Variants in PTPRM observed in about 807,000 individuals in gnomAD.
PTPRM encodes protein tyrosine phosphatase receptor type M, also known as receptor-type tyrosine-protein phosphatase mu.
A neutral mutation model predicts 186.7 loss-of-function variants in PTPRM; 47 were observed. The ratio of observed to expected loss-of-function variants is 0.25; its 90% CI spans 0.20 to 0.32. The LOEUF (loss-of-function observed/expected upper bound fraction) is 0.32, where lower values mean the gene tolerates loss of function less well. Among genes scored for constraint, PTPRM ranks in the 10% least tolerant of loss-of-function variants. The probability of loss-of-function intolerance (pLI) is 1.00; values close to 1 mark genes in which losing one functional copy is unlikely to be tolerated. For synonymous variants in PTPRM, 668 were observed against 674.9 expected (o/e 0.99, Z 0.16); for missense variants, 1,494 against 1,865.0 (o/e 0.80, Z 3.66).
intron 2 of PTPRM, among the ~76,000 whole-genome samples, chr18:7,863,694 T>C (rs1316246478): frequency 6.6e-6 from 1 of 152,234 alleles, no homozygotes; most frequent in Admixed American, 6.5e-5. Flanking sequence ...GAATGATTTA[T>C]AATCCTTTGA....
At position 8,137,498 on chromosome 18, in the gene PTPRM, A is replaced by G. The variant is rs369290170; in HGVS notation, c.2168-6149A>G. Among the ~76,000 whole-genome samples the G allele has an allele frequency of 6.6e-5, 10 of 152,282 alleles. No homozygotes were observed. The East Asian group carries it at 1.2e-3, about 18-fold the overall frequency. ...GCCTGGGTGGGGCAGTAGCCTTCCC[A>G]TGGCTCCCCAACTTCCTTCCCTTCC... On this transcript the variant is annotated intron_variant, in intron 13 of 32. Transcript: ENST00000580170.
At chr18:8,224,308 G>A (rs921519295) in intron 14 of PTPRM, among the ~76,000 whole-genome samples, 5 of 152,092 alleles carry the variant, frequency 3.3e-5, no homozygotes, top group African/African-American at 1.2e-4. Context: ...ACAAGAAAAG[G>A]GGAAAGACAG....
intron 2 of PTPRM, among the ~76,000 whole-genome samples, chr18:7,831,799 A>G (rs2045776249): frequency 6.6e-6 from 1 of 152,106 alleles, no homozygotes; most frequent in East Asian, 1.9e-4. Context: ...AGCCTCTAGT[A>G]ACTATCATTC....
chr18:8,085,597 AG>A (rs1463858122), intron 9 of PTPRM, 73 bp from the exon 10 acceptor site: 3 of 1,291,950 alleles, frequency 2.3e-6, no homozygotes, highest in Non-Finnish European at 3.4e-6. Flanking sequence ...ATACATCAGA[AG>A]GGTTTATTGG....
intron 7 of PTPRM, among the ~76,000 whole-genome samples, chr18:7,973,969 A>AG (rs2054755147): frequency 6.6e-6 from 1 of 150,822 alleles, no homozygotes; most frequent in African/African-American, 2.4e-5. Context: ...ATTCTGGTAA[A>AG]AAAAAAAAAA....
At chr18:8,246,578 G>T (rs1194455057) in intron 15 of PTPRM, among the ~76,000 whole-genome samples, 2 of 152,130 alleles carry the variant, frequency 1.3e-5, no homozygotes, top group Non-Finnish European at 2.9e-5. Flanking sequence ...ACATAAAAAT[G>T]TCTGCAGCTA....
intron 1 of PTPRM, among the ~76,000 whole-genome samples, chr18:7,685,258 T>C (rs114421791): frequency 0.012 from 1,760 of 152,302 alleles, 34 homozygotes; most frequent in African/African-American, 0.041. Flanking sequence ...AAGCTTGTAC[T>C]GTTATTTGCT....
chr18:8,032,176 T>A (rs1216681609), intron 7 of PTPRM, among the ~76,000 whole-genome samples: 2 of 152,224 alleles, frequency 1.3e-5, no homozygotes, highest in African/African-American at 4.8e-5. Context: ...AACCAGTAAC[T>A]CTGGAGCCAC....
chr18:8,124,571 T>A (rs1014727443), intron 13 of PTPRM, among the ~76,000 whole-genome samples: 1 of 152,194 alleles, frequency 6.6e-6, no homozygotes, highest in African/African-American at 2.4e-5. Context: ...AAAACCTACA[T>A]AAGTGCATAC....
chr18:7,973,432 A>G (rs1175982295), intron 7 of PTPRM, among the ~76,000 whole-genome samples: 2 of 152,148 alleles, frequency 1.3e-5, no homozygotes, highest in Non-Finnish European at 2.9e-5. Context: ...AAATCAATTT[A>G]TTGGTTTTTA....
chr18:7,725,788 A>G (rs2040536632), intron 1 of PTPRM, among the ~76,000 whole-genome samples: 1 of 152,116 alleles, frequency 6.6e-6, no homozygotes, highest in African/African-American at 2.4e-5. Flanking sequence ...TTCACCAGGA[A>G]TAAAATCCCT....
intron 22 of PTPRM, among the ~76,000 whole-genome samples, chr18:8,342,447 A>C (rs145358370): frequency 7.2e-4 from 110 of 152,350 alleles, no homozygotes; most frequent in African/African-American, 2.4e-3. Context: ...GGCAGAAGCA[A>C]ATCTCAAATT....
chr18:8,327,235 C>T (rs2148129841), intron 22 of PTPRM, among the ~76,000 whole-genome samples: 1 of 152,332 alleles, frequency 6.6e-6, no homozygotes, highest in East Asian at 1.9e-4. Context: ...TCAGAGGATC[C>T]AGATGCCCAG....
At chr18:8,367,994 G>T (rs972619121) in intron 23 of PTPRM, among the ~76,000 whole-genome samples, 3 of 151,964 alleles carry the variant, frequency 2.0e-5, no homozygotes, top group African/African-American at 7.3e-5. Context: ...CATACGTTGC[G>T]GGTGTGTGTG....
At chr18:7,578,187 G>A (rs189900701) in intron 1 of PTPRM, among the ~76,000 whole-genome samples, 2 of 151,780 alleles carry the variant, frequency 1.3e-5, no homozygotes, top group Admixed American at 1.3e-4. Context: ...TTTTAGACAG[G>A]GTCTCACTCT....
intron 20 of PTPRM, among the ~76,000 whole-genome samples, chr18:8,308,417 C>T (rs1406248471): frequency 5.3e-5 from 8 of 152,102 alleles, no homozygotes. Flanking sequence ...AAATGCAAGC[C>T]ACATGTATAA....
chr18:8,181,442 C>T (rs2093573210), intron 14 of PTPRM, among the ~76,000 whole-genome samples: 2 of 152,150 alleles, frequency 1.3e-5, no homozygotes, highest in African/African-American at 2.4e-5. Flanking sequence ...GCGGATCACG[C>T]ACATCAGAGC....
rs114137202 is a variant in PTPRM, at chr18:8,005,294, G to A, written c.1132+49880G>A. On this transcript the variant is annotated intron_variant, in intron 7 of 32. Coordinates refer to ENST00000580170, the MANE Select transcript of PTPRM (RefSeq NM_001105244.2). ...AAGTAGAGCCATCTGATTTTTATAC[G>A]TATATAACTAAAATATCTTCACATA... Among the ~76,000 whole-genome samples the A allele has an allele frequency of 5.8e-3, 882 of 152,128 alleles. 13 individuals are homozygous for A. The highest frequency in any genetic ancestry group is 0.02 in the African/African-American group (828 of 41,502).
chr18:7,820,170 C>T (rs898915798), intron 2 of PTPRM, among the ~76,000 whole-genome samples: 2 of 152,126 alleles, frequency 1.3e-5, no homozygotes, highest in African/African-American at 4.8e-5. Flanking sequence ...GCTATATCCA[C>T]TCTTAGCCAG....
Sources: allele counts gnomAD v4.1 joint callset (sites outside exome capture counted in the v4.1 genomes callset), GRCh38; gene constraint gnomAD v4.1.1; transcripts MANE v1.5; gene names NCBI Gene and HGNC (gene_info 2026-07-23, HGNC 2026-07-21).